FHIT: variants seen among roughly 807,000 people sequenced by gnomAD.
The protein encoded by FHIT is bis(5'-adenosyl)-triphosphatase.
A neutral mutation model predicts 17.9 loss-of-function variants in FHIT; 19 were observed. That is an observed-to-expected ratio of 1.06 (90% CI 0.74 to 1.56). The LOEUF (loss-of-function observed/expected upper bound fraction) is 1.56. FHIT is among the 40% of genes most tolerant of loss of function. The probability of loss-of-function intolerance (pLI) is 0.00; values close to 1 mark genes in which losing one functional copy is unlikely to be tolerated. For missense variants in FHIT, 248 were observed against 189.2 expected (o/e 1.31, Z -1.82); for synonymous variants, 81 against 69.7 (o/e 1.16, Z -0.81).
chr3:59,907,294 C>T (rs1448575277), intron 8 of FHIT, among the ~76,000 whole-genome samples: 2 of 152,206 alleles, frequency 1.3e-5, no homozygotes, highest in South Asian at 2.1e-4. Context: ...TAATTTCTTA[C>T]CCATGTGTAG....
intron 5 of FHIT, among the ~76,000 whole-genome samples, chr3:60,281,270 T>A (rs1425688959): frequency 1.3e-5 from 2 of 152,154 alleles, no homozygotes; most frequent in Admixed American, 6.5e-5. Context: ...CTTCCCAACT[T>A]GATTATACAT....
At chr3:60,465,339 T>G (rs74537628) in intron 5 of FHIT, among the ~76,000 whole-genome samples, 1,703 of 152,038 alleles carry the variant, frequency 0.011, 17 homozygotes, top group East Asian at 0.037. Context: ...TCAAATTGCT[T>G]TCAAATTTGC....
chr3:60,037,535 A>G (rs1163225044), intron 5 of FHIT, among the ~76,000 whole-genome samples: 1 of 150,820 alleles, frequency 6.6e-6, no homozygotes, highest in African/African-American at 2.4e-5. Flanking sequence ...GGCACGCACC[A>G]CCGCACTGGC....
chr3:60,610,063 G>C (rs954236724), intron 4 of FHIT, among the ~76,000 whole-genome samples: 2 of 152,080 alleles, frequency 1.3e-5, no homozygotes, highest in African/African-American at 4.8e-5. Context: ...AGACCACACA[G>C]TAAATAAACT....
At chr3:60,386,338 C>A (rs1191713816) in intron 5 of FHIT, among the ~76,000 whole-genome samples, 1 of 152,162 alleles carries the variant, frequency 6.6e-6, no homozygotes, top group African/African-American at 2.4e-5. Flanking sequence ...ACCTTTCCGG[C>A]AGCACATTTG....
At chr3:60,570,636 A>G (rs2037342351) in intron 4 of FHIT, among the ~76,000 whole-genome samples, 1 of 151,794 alleles carries the variant, frequency 6.6e-6, no homozygotes, top group South Asian at 2.1e-4. Flanking sequence ...TTGGCATAAT[A>G]CAGCAATTAT....
chr3:60,782,864 G>A (rs1340024879), intron 4 of FHIT, among the ~76,000 whole-genome samples: 1 of 152,118 alleles, frequency 6.6e-6, no homozygotes, highest in Non-Finnish European at 1.5e-5. Flanking sequence ...CAGGCATAAA[G>A]GGCCTAGCTA....
At chr3:61,048,076 A>C (rs2107710739) in intron 2 of FHIT, among the ~76,000 whole-genome samples, 1 of 151,814 alleles carries the variant, frequency 6.6e-6, no homozygotes, top group Middle Eastern at 3.4e-3. Flanking sequence ...CAAGGACTTC[A>C]TGTCTAAAAC....
chr3:59,976,965 A>T (rs212033), intron 7 of FHIT, among the ~76,000 whole-genome samples: 9 of 151,930 alleles, frequency 5.9e-5, no homozygotes, highest in African/African-American at 1.9e-4. Context: ...TTTAATTGAG[A>T]TGCTGCACAC....
intron 5 of FHIT, among the ~76,000 whole-genome samples, chr3:60,422,103 C>T (rs1702495831): frequency 6.6e-6 from 1 of 152,076 alleles, no homozygotes; most frequent in South Asian, 2.1e-4. Flanking sequence ...CAATTTTGTC[C>T]ATCAAAATCT....
rs546616830 is a variant in FHIT, at chr3:60,024,857, G to A, written c.104-10705C>T. 8.5e-4 allele frequency among the ~76,000 whole-genome samples: 129 copies of A among 152,332 alleles called. 1 individual carries two copies. The highest frequency in any genetic ancestry group is 2.9e-3 in the African/African-American group (121 of 41,578). ...CGCCATGCATGGAGAAGCCACTGAA[G>A]CATTTCGGAGAGTGGAGATGTATGA... On this transcript the variant is annotated intron_variant, in intron 5 of 9. Transcript: ENST00000492590.
intron 5 of FHIT, among the ~76,000 whole-genome samples, chr3:60,065,397 T>C (rs1702458743): frequency 6.6e-6 from 1 of 152,058 alleles, no homozygotes; most frequent in African/African-American, 2.4e-5. Context: ...GATGGCATAA[T>C]AGTGCCTGCT....
chr3:61,184,778 G>T (rs926774446), intron 2 of FHIT, among the ~76,000 whole-genome samples: 1 of 152,136 alleles, frequency 6.6e-6, no homozygotes, highest in Non-Finnish European at 1.5e-5. Context: ...GAAGGTGAGA[G>T]GCAGTGACTT....
At chr3:61,203,447 T>C (rs1980309) in intron 1 of FHIT, among the ~76,000 whole-genome samples, 65,572 of 151,308 alleles carry the variant, frequency 0.43, 14,577 homozygotes, top group East Asian at 0.58. Flanking sequence ...AAAAAAAAAA[T>C]TGTTTAGTGC....
intron 5 of FHIT, among the ~76,000 whole-genome samples, chr3:60,134,060 T>G (rs940022046): frequency 1.1e-4 from 16 of 151,828 alleles, no homozygotes; most frequent in African/African-American, 3.9e-4. Context: ...CTTTCCATGT[T>G]TTACCAAAAA....
intron 7 of FHIT, among the ~76,000 whole-genome samples, chr3:59,966,692 A>G (rs957719374): frequency 1.3e-5 from 2 of 152,312 alleles, no homozygotes; most frequent in East Asian, 3.9e-4. Context: ...GAAATATGGT[A>G]TTCCTATATA....
intron 5 of FHIT, among the ~76,000 whole-genome samples, chr3:60,081,035 G>A (rs779517984): frequency 1.3e-5 from 2 of 152,044 alleles, no homozygotes; most frequent in African/African-American, 4.8e-5. Context: ...TGAAAGGAAG[G>A]GATAGAGACC....
intron 1 of FHIT, among the ~76,000 whole-genome samples, chr3:61,211,123 A>C (rs550766305): frequency 6.8e-4 from 103 of 152,032 alleles, no homozygotes; most frequent in African/African-American, 2.5e-3. Flanking sequence ...TACCAGGTTC[A>C]TCTCACTAGG....
chr3:59,980,339 A>G (rs758548216), intron 7 of FHIT, among the ~76,000 whole-genome samples: 9 of 152,148 alleles, frequency 5.9e-5, no homozygotes, highest in Non-Finnish European at 1.2e-4. Context: ...ATAACACACA[A>G]AAGTGTGCAT....
Sources: allele counts gnomAD v4.1 joint callset (sites outside exome capture counted in the v4.1 genomes callset), GRCh38; gene constraint gnomAD v4.1.1; transcripts MANE v1.5; gene names NCBI Gene and HGNC (gene_info 2026-07-23, HGNC 2026-07-21).